CHRNA7: variants seen among roughly 807,000 people sequenced by gnomAD.
The protein encoded by CHRNA7 is cholinergic receptor nicotinic alpha 7 subunit, also known as neuronal acetylcholine receptor subunit alpha-7.
A neutral mutation model predicts 48.0 loss-of-function variants in CHRNA7; 17 were observed. The observed-to-expected ratio is 0.35, with a 90% CI of 0.24 to 0.53. The LOEUF (loss-of-function observed/expected upper bound fraction) is 0.53, where lower values mean the gene tolerates loss of function less well. CHRNA7 is among the 20% of genes least tolerant of loss of function. CHRNA7 has a pLI of 0.92. For missense variants in CHRNA7, 155 were observed against 577.7 expected (o/e 0.27, Z 7.50); for synonymous variants, 75 against 242.3 (o/e 0.31, Z 6.41).
intron 2 of CHRNA7, among the ~76,000 whole-genome samples, chr15:32,082,149 T>A (rs954602688): frequency 2.0e-5 from 3 of 152,120 alleles, no homozygotes; most frequent in African/African-American, 7.2e-5. Flanking sequence ...TGGTCCTTAA[T>A]TTTTAGAAAT....
intron 4 of CHRNA7, among the ~76,000 whole-genome samples, chr15:32,140,496 A>G (rs910469227): frequency 6.6e-6 from 1 of 152,138 alleles, no homozygotes; most frequent in African/African-American, 2.4e-5. Flanking sequence ...GAAATCTTCC[A>G]CTGTCTTCCA....
intron 2 of CHRNA7, among the ~76,000 whole-genome samples, chr15:32,095,564 G>A (rs1182594325): frequency 6.6e-6 from 1 of 152,158 alleles, no homozygotes; most frequent in African/African-American, 2.4e-5. Context: ...AATGCCTCAT[G>A]TAATAGAAGA....
intron 4 of CHRNA7, among the ~76,000 whole-genome samples, chr15:32,117,786 A>T (rs543113724): frequency 4.6e-4 from 70 of 152,242 alleles, no homozygotes; most frequent in African/African-American, 1.6e-3. Context: ...TAGTGTTGTC[A>T]TGGTTAATAG....
chr15:32,086,107 C>A (rs187572992), intron 2 of CHRNA7, among the ~76,000 whole-genome samples: 1 of 152,164 alleles, frequency 6.6e-6, no homozygotes, highest in African/African-American at 2.4e-5. Flanking sequence ...CGGTGGCTCA[C>A]GCCTGTAATC....
At chr15:32,030,688 G>A (rs1566787979) in intron 1 of CHRNA7, 39 bp downstream of exon 1, 4 of 1,555,046 alleles carry the variant, frequency 2.6e-6, no homozygotes, top group Admixed American at 1.9e-5. Context: ...TCCTCCGTGG[G>A]ATCCCGGGCA....
intron 2 of CHRNA7, among the ~76,000 whole-genome samples, chr15:32,096,736 A>T (rs1039896778): frequency 6.6e-6 from 1 of 152,246 alleles, no homozygotes; most frequent in South Asian, 2.1e-4. Context: ...GAAATGCAAG[A>T]TAGCACATTA....
At chr15:32,115,708 C>T (rs2141288088) in intron 4 of CHRNA7, among the ~76,000 whole-genome samples, 1 of 152,192 alleles carries the variant, frequency 6.6e-6, no homozygotes, top group Admixed American at 6.5e-5. Flanking sequence ...GGATTCCTGT[C>T]CACGATGGCA....
intron 4 of CHRNA7, 73 bp downstream of exon 4, chr15:32,111,972 T>G (rs1452846651): frequency 2.1e-6 from 2 of 941,482 alleles, no homozygotes; most frequent in Non-Finnish European, 3.5e-6. Context: ...TATTTGAATA[T>G]TTCACAGAGA....
At chr15:32,127,014 C>A (rs564340501) in intron 4 of CHRNA7, among the ~76,000 whole-genome samples, 3 of 152,128 alleles carry the variant, frequency 2.0e-5, no homozygotes, top group Admixed American at 1.3e-4. Flanking sequence ...AACTGTTCCA[C>A]GACTGTAAAG....
chr15:32,048,376 A>G (rs1010270695), intron 2 of CHRNA7, among the ~76,000 whole-genome samples: 1 of 152,156 alleles, frequency 6.6e-6, no homozygotes, highest in Non-Finnish European at 1.5e-5. Context: ...CAGAGATTCA[A>G]CTTCTTCCTG....
intron 2 of CHRNA7, among the ~76,000 whole-genome samples, chr15:32,044,846 T>G (rs2049511783): frequency 6.6e-6 from 1 of 152,230 alleles, no homozygotes; most frequent in Non-Finnish European, 1.5e-5. Flanking sequence ...AAAAGAATTA[T>G]CTGGCCCCCA....
At chr15:32,150,083 G>A (rs142522457) in intron 4 of CHRNA7, among the ~76,000 whole-genome samples, 1,575 of 151,984 alleles carry the variant, frequency 0.01, 21 homozygotes, top group African/African-American at 0.036. Flanking sequence ...ACAGGGTCTC[G>A]CTCTGTCTCC....
At chr15:32,110,977 G>T (rs2050753385) in intron 3 of CHRNA7, among the ~76,000 whole-genome samples, 2 of 152,102 alleles carry the variant, frequency 1.3e-5, no homozygotes, top group Non-Finnish European at 1.5e-5. Context: ...GCTCATACTT[G>T]TCAGCCCTGA....
chr15:32,062,031 G>A (rs2049887469), intron 2 of CHRNA7, among the ~76,000 whole-genome samples: 1 of 152,154 alleles, frequency 6.6e-6, no homozygotes, highest in African/African-American at 2.4e-5. Context: ...TTTAAAAGCT[G>A]AGATAATTCT....
At chr15:32,133,585 G>A (rs1013076392) in intron 4 of CHRNA7, among the ~76,000 whole-genome samples, 1 of 152,120 alleles carries the variant, frequency 6.6e-6, no homozygotes, top group Non-Finnish European at 1.5e-5. Context: ...CTGAGAAGTT[G>A]GAATTGAAAA....
chr15:32,048,249 C>A (rs7182687), intron 2 of CHRNA7, among the ~76,000 whole-genome samples: 11 of 151,942 alleles, frequency 7.2e-5, no homozygotes, highest in Admixed American at 6.5e-4. Flanking sequence ...GGAACGGTAC[C>A]AGTTCCTCCT....
In CHRNA7 at chr15:32,168,593, GC is replaced by G; in HGVS notation, c.*136del. On this transcript the variant is annotated 3_prime_UTR_variant, in exon 10 of 10. Transcript: ENST00000306901. ...TTCCCTTCTGGCTGTCAGTCGTGTTGCTTACGGTTTCTTTGTTACTTTAGGT... is the reference window on the plus strand; with the variant it reads ...TTCCCTTCTGGCTGTCAGTCGTGTTGTTACGGTTTCTTTGTTACTTTAGGT... The G allele has an allele frequency of 9.3e-6, 3 of 321,760 alleles. No individual in the cohort carries two copies. Among genetic ancestry groups the G allele is most frequent in the Non-Finnish European group, 1.6e-5 (3 of 189,430 alleles). 19.9% of individuals were successfully genotyped at this position (321,760 alleles called of 1,614,324 possible).
At chr15:32,071,293 G>A (rs553748097) in intron 2 of CHRNA7, among the ~76,000 whole-genome samples, 6 of 151,984 alleles carry the variant, frequency 3.9e-5, no homozygotes, top group East Asian at 3.9e-4. Context: ...TAGAACTATC[G>A]TATGTATATC....
chr15:32,071,508 A>C (rs914186255), intron 2 of CHRNA7, among the ~76,000 whole-genome samples: 1 of 152,164 alleles, frequency 6.6e-6, no homozygotes, highest in Non-Finnish European at 1.5e-5. Flanking sequence ...TTTGATATGG[A>C]TTGTCCCCTC....
Sources: allele counts gnomAD v4.1 joint callset (sites outside exome capture counted in the v4.1 genomes callset), GRCh38; gene constraint gnomAD v4.1.1; transcripts MANE v1.5; gene names NCBI Gene and HGNC (gene_info 2026-07-23, HGNC 2026-07-21).